Variants in PIGU observed in about 807,000 individuals in gnomAD.
PIGU encodes the protein phosphatidylinositol glycan anchor biosynthesis class U.
Under a neutral mutation model 49.9 loss-of-function variants are expected in PIGU, and 24 were observed. The ratio of observed to expected loss-of-function variants is 0.48; its 90% confidence interval spans 0.35 to 0.68. The LOEUF (loss-of-function observed/expected upper bound fraction) is 0.68, where lower values mean the gene tolerates loss of function less well. PIGU is among the 30% of genes least tolerant of loss of function. The pLI is 0.01. For missense variants in PIGU, 490 were observed against 532.6 expected (o/e 0.92, Z 0.79); for synonymous variants, 220 against 205.7 (o/e 1.07, Z -0.59).
chr20:34,627,594 CA>C (rs1320226112), intron 6 of PIGU, among the ~76,000 whole-genome samples: 2 of 151,930 alleles, frequency 1.3e-5, no homozygotes, highest in East Asian at 3.9e-4. Flanking sequence ...CATACTTTTA[CA>C]TTTTTACGAG....
intron 4 of PIGU, among the ~76,000 whole-genome samples, chr20:34,641,049 G>A (rs1057339319): frequency 7.2e-5 from 11 of 151,908 alleles, no homozygotes; most frequent in African/African-American, 1.2e-4. Context: ...GCCCACCACC[G>A]CGCCCGGCTA....
chr20:34,588,443 C>A lies in PIGU; in HGVS notation c.782+10G>T. The A allele has an allele frequency of 6.2e-7, 1 of 1,609,364 alleles. No homozygotes were observed. Among genetic ancestry groups the A allele is most frequent in the South Asian group, 1.1e-5 (1 of 90,396 alleles). ...AGCTTCTAGAATTTTCTAACGTGGT[C>A]ATTACTTACATAAAGCCATAGACTG... On this transcript the variant is annotated intron_variant, in intron 8 of 11. Coordinates refer to ENST00000217446, the MANE Select transcript of PIGU (RefSeq NM_080476.5).
At chr20:34,602,923 T>C (rs2146728414) in intron 7 of PIGU, among the ~76,000 whole-genome samples, 1 of 152,318 alleles carries the variant, frequency 6.6e-6, no homozygotes, top group East Asian at 1.9e-4. Flanking sequence ...GTTTTCCACT[T>C]ACATGTGCAT....
At chr20:34,642,693 C>CATATATATATATATAT (rs11472795) in intron 4 of PIGU, among the ~76,000 whole-genome samples, 3 of 120,292 alleles carry the variant, frequency 2.5e-5, no homozygotes, top group African/African-American at 9.3e-5. Context: ...ACACATATCT[C>CATATATATATATATAT]ATATATATAT....
In PIGU at chr20:34,673,787, G is replaced by A. The variant is rs533713783; in HGVS notation, c.130+3169C>T. ...TCATACAGCTTGGCCGGGCGTGGTGGCTCACGCCTGTAATCCCAGCACTTT... is the reference window on the plus strand; with the variant it reads ...TCATACAGCTTGGCCGGGCGTGGTGACTCACGCCTGTAATCCCAGCACTTT... On this transcript the variant is annotated intron_variant, in intron 1 of 11. Coordinates refer to ENST00000217446, the MANE Select transcript of PIGU (RefSeq NM_080476.5). Among the ~76,000 whole-genome samples, 130 of 152,350 alleles carry A rather than the reference G, an allele frequency of 8.5e-4. 1 individual carries two copies. In the South Asian group the frequency reaches 0.017, roughly 20 times the overall value.
At chr20:34,580,777 C>T (rs1421783395) in intron 10 of PIGU, among the ~76,000 whole-genome samples, 1 of 152,150 alleles carries the variant, frequency 6.6e-6, no homozygotes, top group Non-Finnish European at 1.5e-5. Context: ...CTGACGGAGC[C>T]CCCAAACAAT....
chr20:34,579,999 A>G (rs1983394436), intron 10 of PIGU, among the ~76,000 whole-genome samples: 1 of 152,206 alleles, frequency 6.6e-6, no homozygotes, highest in Non-Finnish European at 1.5e-5. Flanking sequence ...GAAAAATCAG[A>G]TGCTCAGAAA....
intron 11 of PIGU, among the ~76,000 whole-genome samples, chr20:34,568,790 G>A (rs1203517813): frequency 6.6e-6 from 1 of 152,204 alleles, no homozygotes; most frequent in Non-Finnish European, 1.5e-5. Flanking sequence ...AAGGAGAATG[G>A]CCAATGCAAG....
chr20:34,633,497 A>C (rs1447502608), intron 6 of PIGU, among the ~76,000 whole-genome samples: 1 of 151,926 alleles, frequency 6.6e-6, no homozygotes, highest in Non-Finnish European at 1.5e-5. Flanking sequence ...ACAAATAAAC[A>C]AGAAACCATG....
At position 34,620,668 on chromosome 20, in the gene PIGU, G is replaced by A. The variant is rs183515448; in HGVS notation, c.530-4529C>T. Among the ~76,000 whole-genome samples, 15 of 151,834 alleles carry A rather than the reference G, an allele frequency of 9.9e-5. 1 individual carries two copies. In the East Asian group the frequency reaches 1.9e-3, roughly 20 times the overall value. ...CTACTAAAAATACAAAAAATTAGCC[G>A]GGCATGGTGGTGGGAGCCTATAGTC... On this transcript the variant is annotated intron_variant, in intron 6 of 11. Transcript: ENST00000217446.
intron 6 of PIGU, among the ~76,000 whole-genome samples, chr20:34,620,824 A>AAAC (rs1303857202): frequency 1.4e-5 from 2 of 138,996 alleles, no homozygotes; most frequent in African/African-American, 5.0e-5. Flanking sequence ...AAAAAACAAA[A>AAAC]AAAAAAAAAC....
At chr20:34,674,997 C>A (rs1987450451) in intron 1 of PIGU, among the ~76,000 whole-genome samples, 1 of 150,892 alleles carries the variant, frequency 6.6e-6, no homozygotes, top group African/African-American at 2.4e-5. Context: ...ACCTGTAATC[C>A]CAGCACTTTG....
intron 9 of PIGU, among the ~76,000 whole-genome samples, chr20:34,584,748 C>T (rs1231326949): frequency 6.6e-6 from 1 of 151,848 alleles, no homozygotes; most frequent in East Asian, 1.9e-4. Context: ...AGTGCAGTGG[C>T]ACAATGTTGG....
At chr20:34,638,898 G>A (rs913004904) in intron 4 of PIGU, among the ~76,000 whole-genome samples, 2 of 152,086 alleles carry the variant, frequency 1.3e-5, no homozygotes, top group Admixed American at 6.6e-5. Context: ...AACCAAAATC[G>A]GTGGCCCTGT....
chr20:34,592,566 T>G (rs188723105), intron 7 of PIGU, among the ~76,000 whole-genome samples: 131 of 151,682 alleles, frequency 8.6e-4, no homozygotes, highest in African/African-American at 3.0e-3. Flanking sequence ...AAAGGTGAAA[T>G]GGAAACATTC....
At chr20:34,597,996 G>A (rs1322940770) in intron 7 of PIGU, among the ~76,000 whole-genome samples, 1 of 152,090 alleles carries the variant, frequency 6.6e-6, no homozygotes, top group Non-Finnish European at 1.5e-5. Context: ...CCTGAGCCCA[G>A]GAGCTCGAGA....
At chr20:34,569,559 G>A (rs1373049547) in intron 11 of PIGU, among the ~76,000 whole-genome samples, 2 of 152,178 alleles carry the variant, frequency 1.3e-5, no homozygotes, top group Non-Finnish European at 2.9e-5. Flanking sequence ...AAAAGGAAGG[G>A]CAGGCAGACG....
At chr20:34,644,569 C>T (rs998704390) in intron 3 of PIGU, among the ~76,000 whole-genome samples, 1 of 152,198 alleles carries the variant, frequency 6.6e-6, no homozygotes, top group African/African-American at 2.4e-5. Context: ...ACAGTAGGTC[C>T]TCAATAAATA....
intron 1 of PIGU, among the ~76,000 whole-genome samples, chr20:34,670,153 T>C (rs1020575323): frequency 6.6e-6 from 1 of 151,654 alleles, no homozygotes; most frequent in African/African-American, 2.4e-5. Flanking sequence ...TACATTGTTA[T>C]GTGTGTCTTA....
Sources: gnomAD v4.1 joint callset for allele counts (sites outside exome capture counted in the v4.1 genomes callset) on GRCh38, gnomAD v4.1.1 for gene constraint, MANE v1.5 for transcripts, NCBI Gene and HGNC (gene_info 2026-07-23, HGNC 2026-07-21) for gene names.